CTNND2: variants seen among roughly 807,000 people sequenced by gnomAD.
CTNND2 encodes the protein catenin delta 2, also known as catenin delta-2.
A neutral mutation model predicts 144.4 loss-of-function variants in CTNND2; 22 were observed. That is an observed-to-expected ratio of 0.15 (90% CI 0.11 to 0.22). The LOEUF is 0.22. Ranked by LOEUF, CTNND2 falls within the 10% of genes least tolerant of loss-of-function variation. CTNND2 has a pLI of 1.00. For synonymous variants in CTNND2, 751 were observed against 695.6 expected (o/e 1.08, Z -1.25); for missense variants, 1,353 against 1,618.8 (o/e 0.84, Z 2.82).
intron 15 of CTNND2, among the ~76,000 whole-genome samples, chr5:11,092,512 C>G (rs2149655537): frequency 6.6e-6 from 1 of 152,294 alleles, no homozygotes; most frequent in East Asian, 1.9e-4. Context: ...ATCACTGAGT[C>G]CTGTGATTAG....
intron 5 of CTNND2, among the ~76,000 whole-genome samples, chr5:11,397,520 A>T (rs1235904591): frequency 6.6e-6 from 1 of 152,230 alleles, no homozygotes; most frequent in African/African-American, 2.4e-5. Context: ...GGGATCAGAC[A>T]ATATCAGAAA....
chr5:11,479,631 T>C (rs1245257344), intron 3 of CTNND2, among the ~76,000 whole-genome samples: 1 of 152,210 alleles, frequency 6.6e-6, no homozygotes, highest in Non-Finnish European at 1.5e-5. Flanking sequence ...GTATAAACAT[T>C]CCCATTTCTA....
At chr5:11,042,773 T>C (rs1561215504) in intron 16 of CTNND2, among the ~76,000 whole-genome samples, 1 of 152,184 alleles carries the variant, frequency 6.6e-6, no homozygotes, top group East Asian at 1.9e-4. Context: ...AGAGCTGAAA[T>C]AGACCCAAGA....
intron 1 of CTNND2, among the ~76,000 whole-genome samples, chr5:11,787,968 C>T (rs1256474049): frequency 1.3e-5 from 2 of 152,184 alleles, no homozygotes; most frequent in Non-Finnish European, 2.9e-5. Flanking sequence ...ATTTATAGAA[C>T]ATTGCTCCCT....
At chr5:11,882,205 A>C (rs746474860) in intron 1 of CTNND2, among the ~76,000 whole-genome samples, 1 of 151,914 alleles carries the variant, frequency 6.6e-6, no homozygotes, top group Non-Finnish European at 1.5e-5. Flanking sequence ...TACTATACAG[A>C]AGTTTCTTAG....
At chr5:11,869,332 T>C (rs11749945) in intron 1 of CTNND2, among the ~76,000 whole-genome samples, 2,195 of 152,300 alleles carry the variant, frequency 0.014, 30 homozygotes, top group Non-Finnish European at 0.021. Context: ...CGAATGTCAA[T>C]TGATGGATGA....
chr5:11,088,036 A>T (rs1750362505), intron 15 of CTNND2, among the ~76,000 whole-genome samples: 2 of 152,250 alleles, frequency 1.3e-5, no homozygotes, highest in Non-Finnish European at 2.9e-5. Context: ...ATTTTCAATT[A>T]AAAAATTTCT....
At chr5:11,071,463 C>T (rs1232932005) in intron 16 of CTNND2, among the ~76,000 whole-genome samples, 1 of 152,068 alleles carries the variant, frequency 6.6e-6, no homozygotes, top group Non-Finnish European at 1.5e-5. Flanking sequence ...TCGTTTGAAC[C>T]TCGGAGGCTG....
chr5:11,607,731 T>A (rs947827362), intron 2 of CTNND2, among the ~76,000 whole-genome samples: 3 of 152,220 alleles, frequency 2.0e-5, no homozygotes, highest in African/African-American at 7.2e-5. Flanking sequence ...GACCTGTTAA[T>A]AATGTCAAAC....
intron 1 of CTNND2, among the ~76,000 whole-genome samples, chr5:11,880,133 T>C (rs1735918318): frequency 6.6e-6 from 1 of 152,170 alleles, no homozygotes; most frequent in African/African-American, 2.4e-5. Flanking sequence ...CCTAACTTAA[T>C]TCATCCTGAT....
At chr5:11,112,192 C>T (rs537206957) in intron 13 of CTNND2, among the ~76,000 whole-genome samples, 15 of 152,206 alleles carry the variant, frequency 9.9e-5, no homozygotes, top group Admixed American at 2.6e-4. Context: ...TGTTAGGTCA[C>T]GTGGCTGGCA....
intron 3 of CTNND2, among the ~76,000 whole-genome samples, chr5:11,557,753 A>G (rs1410003795): frequency 6.6e-6 from 1 of 152,188 alleles, no homozygotes; most frequent in African/African-American, 2.4e-5. Context: ...ACAGTCTGCG[A>G]AAACCAACTG....
intron 9 of CTNND2, among the ~76,000 whole-genome samples, chr5:11,250,850 G>A (rs1275778615): frequency 6.6e-6 from 1 of 151,944 alleles, no homozygotes; most frequent in Non-Finnish European, 1.5e-5. Context: ...GAGGTAGAGG[G>A]GTACACAGGG....
At chr5:11,861,230 C>G (rs11953954) in intron 1 of CTNND2, among the ~76,000 whole-genome samples, 10 of 152,176 alleles carry the variant, frequency 6.6e-5, no homozygotes. Context: ...ACTCTAGACT[C>G]GTATCATCTA....
At chr5:11,150,504 G>A (rs1236850947) in intron 12 of CTNND2, among the ~76,000 whole-genome samples, 1 of 151,786 alleles carries the variant, frequency 6.6e-6, no homozygotes, top group Non-Finnish European at 1.5e-5. Context: ...TCAAGAAAAA[G>A]AGGATGTGGG....
At chr5:11,396,134 T>C (rs577735922) in intron 6 of CTNND2, among the ~76,000 whole-genome samples, 9 of 152,326 alleles carry the variant, frequency 5.9e-5, no homozygotes, top group Admixed American at 3.9e-4. Flanking sequence ...GGGCTGAAAC[T>C]AACTTTGTCA....
chr5:11,123,867 G>A (rs1204986236), intron 12 of CTNND2, among the ~76,000 whole-genome samples: 2 of 152,204 alleles, frequency 1.3e-5, no homozygotes, highest in Admixed American at 6.5e-5. Context: ...GCTATGTGAT[G>A]TATAGACTCT....
At chr5:11,083,884 T>C in intron 15 of CTNND2, 2 of 1,132,800 alleles carry the variant, frequency 1.8e-6, no homozygotes, top group Non-Finnish European at 2.2e-6. Context: ...CTCTCACCTG[T>C]GGCAGGCAGG....
chr5:11,382,100 A>G (rs1758546719), intron 7 of CTNND2, among the ~76,000 whole-genome samples: 1 of 152,220 alleles, frequency 6.6e-6, no homozygotes, highest in Non-Finnish European at 1.5e-5. Flanking sequence ...TAACAAACCC[A>G]GAGAGGTACC....
Sources: gnomAD v4.1 joint callset for allele counts (sites outside exome capture counted in the v4.1 genomes callset) on GRCh38, gnomAD v4.1.1 for gene constraint, MANE v1.5 for transcripts, NCBI Gene and HGNC (gene_info 2026-07-23, HGNC 2026-07-21) for gene names.